Variants in ROBO2 observed in about 807,000 individuals in gnomAD.
ROBO2 encodes roundabout homolog 2.
In ROBO2, 53 loss-of-function variants were observed where a neutral mutation model predicts 160.8. The observed-to-expected ratio is 0.33, with a 90% CI of 0.26 to 0.41. The LOEUF (loss-of-function observed/expected upper bound fraction) is 0.41, where lower values mean the gene tolerates loss of function less well. Ranked by LOEUF, ROBO2 falls within the 10% of genes least tolerant of loss-of-function variation. ROBO2 has a pLI of 1.00. For synonymous variants in ROBO2, 664 were observed against 611.7 expected (o/e 1.09, Z -1.26); for missense variants, 1,577 against 1,722.4 (o/e 0.92, Z 1.49).
chr3:75,931,098 A>G (rs962784982), intron 1 of ROBO2, among the ~76,000 whole-genome samples: 3 of 152,122 alleles, frequency 2.0e-5, no homozygotes, highest in African/African-American at 7.2e-5. Context: ...CACATCTCAC[A>G]TTAGTCTTTA....
chr3:76,346,409 C>T (rs1003354063), intron 2 of ROBO2, among the ~76,000 whole-genome samples: 1 of 152,108 alleles, frequency 6.6e-6, no homozygotes, highest in African/African-American at 2.4e-5. Context: ...AACATATTCC[C>T]TGTATTCACT....
At position 76,427,284 on chromosome 3, in the gene ROBO2, G is replaced by A. The variant is rs75001463; in HGVS notation, c.109+489682G>A. 2.9e-3 allele frequency among the ~76,000 whole-genome samples: 436 copies of A among 152,042 alleles called. 2 individuals carry two copies. Among genetic ancestry groups the A allele is most frequent in the African/African-American group, 0.01 (427 of 41,472 alleles). On this transcript the variant is annotated intron_variant, in intron 2 of 26. Coordinates refer to the ROBO2 transcript ENST00000487694. ...GCCTAAAAAAAAAAACCACTCGCTT[G>A]CAACTGATAGTTCTGGAGACCATAG...
chr3:77,484,036 A>G (rs1052862108), intron 4 of ROBO2, among the ~76,000 whole-genome samples: 1 of 151,964 alleles, frequency 6.6e-6, no homozygotes, highest in African/African-American at 2.4e-5. Flanking sequence ...CAAAGATATG[A>G]TCGGTGTAAC....
chr3:76,925,964 G>A (rs969468247), intron 2 of ROBO2, among the ~76,000 whole-genome samples: 2 of 152,178 alleles, frequency 1.3e-5, no homozygotes, highest in East Asian at 3.8e-4. Context: ...ACAGGGACAG[G>A]CCTGTCATAT....
intron 2 of ROBO2, among the ~76,000 whole-genome samples, chr3:76,540,997 G>A (rs757640961): frequency 1.2e-4 from 18 of 151,978 alleles, no homozygotes; most frequent in East Asian, 3.9e-4. Flanking sequence ...ATGGGATTTC[G>A]CCATGTGGGC....
At chr3:76,340,332 G>T (rs1396204822) in intron 2 of ROBO2, among the ~76,000 whole-genome samples, 1 of 151,962 alleles carries the variant, frequency 6.6e-6, no homozygotes, top group East Asian at 1.9e-4. Flanking sequence ...TAACCTTGTG[G>T]GATAGAACAG....
chr3:77,026,069 G>A (rs1247665761), intron 2 of ROBO2, among the ~76,000 whole-genome samples: 1 of 152,148 alleles, frequency 6.6e-6, no homozygotes, highest in African/African-American at 2.4e-5. Context: ...GCATATGCTT[G>A]GTGTTAAGTC....
At chr3:77,456,462 G>A (rs1013494700) in intron 2 of ROBO2, among the ~76,000 whole-genome samples, 4 of 152,152 alleles carry the variant, frequency 2.6e-5, no homozygotes, top group African/African-American at 7.2e-5. Flanking sequence ...AAAGCTAAAG[G>A]ATATACAGTG....
rs115453105 is a variant in ROBO2, at chr3:76,832,470, C to G, written c.110-265544C>G. On this transcript the variant is annotated intron_variant, in intron 2 of 26. Coordinates refer to the ROBO2 transcript ENST00000487694. ...ACATAAAAAAACTGAGGAATGACAA[C>G]GTTTAATGCATCATAACGTGCAAAT... 4.6e-5 allele frequency among the ~76,000 whole-genome samples: 7 copies of G among 152,120 alleles called. No individual in the cohort carries two copies. The South Asian group carries it at 1.5e-3, about 32-fold the overall frequency.
intron 2 of ROBO2, among the ~76,000 whole-genome samples, chr3:76,102,394 G>A (rs1038209625): frequency 5.9e-5 from 9 of 152,038 alleles, no homozygotes; most frequent in African/African-American, 9.7e-5. Context: ...TACTTCTATT[G>A]GATACCAGGG....
chr3:77,299,096 A>G (rs774554991), intron 2 of ROBO2, among the ~76,000 whole-genome samples: 2 of 152,222 alleles, frequency 1.3e-5, no homozygotes, highest in Non-Finnish European at 2.9e-5. Flanking sequence ...AGCATTTTAG[A>G]AAGAGGGAAA....
rs71104695 is a variant in ROBO2, at chr3:77,640,097, A to ATTTTTT, written c.3935-4580_3935-4575dup. Among the ~76,000 whole-genome samples the ATTTTTT allele has an allele frequency of 3.6e-3, 233 of 65,480 alleles. 21 individuals are homozygous for ATTTTTT. Among genetic ancestry groups the ATTTTTT allele is most frequent in the African/African-American group, 8.5e-3 (131 of 15,404 alleles). 43.0% of individuals were successfully genotyped at this position (65,480 alleles called of 152,430 possible). Reference sequence around the variant, plus strand: ...AGAGAAGAAACACTGCAGAGGAAGCATTTTTTTTTTTTTTTTTTTTTTTTT... The same window carrying ATTTTTT: ...AGAGAAGAAACACTGCAGAGGAAGCATTTTTTTTTTTTTTTTTTTTTTTTTTTTTTT... On this transcript the variant is annotated intron_variant, in intron 24 of 25. Coordinates refer to ENST00000461745, the Ensembl canonical transcript of ROBO2.
chr3:76,922,349 G>T (rs1193411031), intron 2 of ROBO2, among the ~76,000 whole-genome samples: 1 of 152,158 alleles, frequency 6.6e-6, no homozygotes, highest in Non-Finnish European at 1.5e-5. Flanking sequence ...ATGGTGATGG[G>T]AACTGGGACG....
intron 2 of ROBO2, among the ~76,000 whole-genome samples, chr3:76,517,866 A>G (rs1003615794): frequency 6.6e-6 from 1 of 152,084 alleles, no homozygotes; most frequent in African/African-American, 2.4e-5. Context: ...ACATATTCAC[A>G]TTTTGCATGT....
At chr3:77,101,310 G>GA (rs930882141) in intron 2 of ROBO2, among the ~76,000 whole-genome samples, 37 of 151,062 alleles carry the variant, frequency 2.4e-4, no homozygotes, top group Middle Eastern at 3.5e-3. Flanking sequence ...GTTTTGTTTT[G>GA]TTTTTGGTTA....
At chr3:77,428,372 G>A (rs1272520629) in intron 2 of ROBO2, among the ~76,000 whole-genome samples, 1 of 111,574 alleles carries the variant, frequency 9.0e-6, no homozygotes, top group South Asian at 2.8e-4. Flanking sequence ...TTTTTGAGAC[G>A]GAGTCTCGCT....
intron 2 of ROBO2, among the ~76,000 whole-genome samples, chr3:76,606,934 A>G (rs2087708738): frequency 6.6e-6 from 1 of 152,186 alleles, no homozygotes; most frequent in Admixed American, 6.5e-5. Flanking sequence ...TATATTTTTC[A>G]TGATTTTACA....
intron 2 of ROBO2, among the ~76,000 whole-genome samples, chr3:76,233,391 G>C (rs931268338): frequency 6.6e-6 from 1 of 152,064 alleles, no homozygotes; most frequent in Non-Finnish European, 1.5e-5. Flanking sequence ...TGATCCGCCT[G>C]CCTCGGCCTC....
chr3:76,934,958 A>ATTTTTT (rs151316771), intron 2 of ROBO2, among the ~76,000 whole-genome samples: 32,508 of 146,248 alleles, frequency 0.22, 4,343 homozygotes, highest in African/African-American at 0.34. Context: ...AGGCTTCACA[A>ATTTTTT]ATTTTTTTTT....
Sources: gnomAD v4.1 joint callset for allele counts (sites outside exome capture counted in the v4.1 genomes callset) on GRCh38, gnomAD v4.1.1 for gene constraint, MANE v1.5 for transcripts, NCBI Gene and HGNC (gene_info 2026-07-23, HGNC 2026-07-21) for gene names.